The following EDC3 variants were observed in gnomAD, a reference collection of about 807,000 sequenced individuals.
EDC3 encodes the protein enhancer of mRNA decapping 3, also known as enhancer of mRNA-decapping protein 3.
A neutral mutation model predicts 41.8 loss-of-function variants in EDC3; 20 were observed. The observed-to-expected ratio is 0.48, with a 90% confidence interval of 0.34 to 0.70. The LOEUF (loss-of-function observed/expected upper bound fraction) is 0.70, where lower values mean the gene tolerates loss of function less well. Ranked by LOEUF, EDC3 falls within the 30% of genes least tolerant of loss-of-function variation. EDC3 has a pLI of 0.01. For missense variants in EDC3, 444 were observed against 636.8 expected (o/e 0.70, Z 3.26); for synonymous variants, 206 against 243.2 (o/e 0.85, Z 1.42).
intron 3 of EDC3, among the ~76,000 whole-genome samples, chr15:74,667,823 C>G (rs919841124): frequency 4.6e-5 from 7 of 152,110 alleles, no homozygotes; most frequent in Admixed American, 2.6e-4. Context: ...CAAGTAATGT[C>G]TGAAGATGCT....
chr15:74,635,037 T>C (rs1337042977), intron 6 of EDC3: 3 of 471,602 alleles, frequency 6.4e-6, no homozygotes, highest in African/African-American at 5.9e-5. Flanking sequence ...TTTGTTTTTA[T>C]CCACATCACT....
chr15:74,632,514 GAA>G lies in EDC3; in HGVS notation c.*96_*97del, dbSNP rs2062223080. Reference sequence around the variant, plus strand: ...TCACAGAAGAAACAAACCCAAAAGAGAAAAAACTTTAACAAGGTCCATGAAGC... The same window carrying G: ...TCACAGAAGAAACAAACCCAAAAGAGAAAACTTTAACAAGGTCCATGAAGC... On this transcript the variant is annotated 3_prime_UTR_variant, in exon 7 of 7. Transcript: ENST00000315127. This position sits in a 1 kb window ranked among gnomAD's most constrained non-coding sequence, Gnocchi z 4.0. 3 of 1,396,226 alleles carry G rather than the reference GAA, an allele frequency of 2.1e-6. No homozygotes were observed. The highest frequency in any genetic ancestry group is 2.9e-6 in the Non-Finnish European group (3 of 1,028,766). The allele number at this position is 1,396,226 out of a possible 1,614,324, so 86.5% of individuals were successfully genotyped here.
intron 3 of EDC3, among the ~76,000 whole-genome samples, chr15:74,666,988 T>C (rs1460701373): frequency 6.6e-6 from 1 of 152,088 alleles, no homozygotes. Context: ...TGGAGTCAGA[T>C]GAAAGGCAAA....
intron 4 of EDC3, among the ~76,000 whole-genome samples, chr15:74,655,401 T>C (rs569030605): frequency 3.3e-5 from 5 of 152,264 alleles, no homozygotes; most frequent in South Asian, 4.1e-4. Context: ...TGGGCAGTAA[T>C]AGAGAAGCCA....
In EDC3 at chr15:74,655,802, A is replaced by G; in HGVS notation, c.751T>C (p.Leu251=). ...PTRYRHDENI[L]ESEPIVYRRI... ...CGATAGACAATGGGCTCGGACTCCA[A>G]GATGTTCTCATCATGGCGGTACCGA... The change falls in exon 4 of 7, where the codon TTG becomes CTG. Residue 251 remains leucine (L), a synonymous_variant. Transcript: ENST00000315127. 2 of 1,614,154 alleles carry G rather than the reference A, an allele frequency of 1.2e-6. No individual in the cohort carries two copies. The highest frequency in any genetic ancestry group is 2.2e-5 in the East Asian group (1 of 44,894).
chr15:74,647,891 A>T (rs1053739113), intron 4 of EDC3, among the ~76,000 whole-genome samples: 1 of 152,230 alleles, frequency 6.6e-6, no homozygotes, highest in Non-Finnish European at 1.5e-5. Context: ...TCTGTCCAGA[A>T]CACCACCCAG....
intron 1 of EDC3, among the ~76,000 whole-genome samples, chr15:74,691,136 CAA>C (rs112091416): frequency 5.1e-4 from 59 of 115,468 alleles, no homozygotes; most frequent in Admixed American, 7.5e-4. Context: ...GACCCTGTCT[CAA>C]AAAAAAAAAA....
intron 3 of EDC3, among the ~76,000 whole-genome samples, chr15:74,666,417 G>A (rs2062677639): frequency 6.6e-6 from 1 of 152,098 alleles, no homozygotes; most frequent in Admixed American, 6.6e-5. Context: ...AGCAAAAGCA[G>A]AATAACCAAA....
intron 3 of EDC3, among the ~76,000 whole-genome samples, chr15:74,667,545 C>A (rs2062691127): frequency 1.4e-5 from 2 of 146,524 alleles, no homozygotes; most frequent in Admixed American, 6.9e-5. Context: ...TAGTAGTAAG[C>A]ATCTTTCAGT....
chr15:74,686,022 A>G (rs112117020), intron 1 of EDC3, among the ~76,000 whole-genome samples: 7,306 of 152,158 alleles, frequency 0.048, 301 homozygotes, highest in African/African-American at 0.11. Context: ...ATGAAACCCC[A>G]TATCTACTAA....
At chr15:74,675,217 G>T in intron 1 of EDC3, 75 bp from the exon 2 acceptor site, 2 of 1,361,842 alleles carry the variant, frequency 1.5e-6, no homozygotes, top group Non-Finnish European at 1.0e-6. Flanking sequence ...AAATATATCA[G>T]GCTCTGTACC....
chr15:74,670,010 A>ATTTTT (rs757043746), intron 3 of EDC3, among the ~76,000 whole-genome samples: 4 of 116,362 alleles, frequency 3.4e-5, no homozygotes, highest in Non-Finnish European at 3.6e-5. Context: ...CGCCCAGCTA[A>ATTTTT]TTTTTTTTTT....
intron 1 of EDC3, among the ~76,000 whole-genome samples, chr15:74,688,536 G>A (rs996579852): frequency 6.6e-6 from 1 of 152,140 alleles, no homozygotes; most frequent in Non-Finnish European, 1.5e-5. Flanking sequence ...AAGATTATTT[G>A]AGCCTGATTT....
intron 4 of EDC3, among the ~76,000 whole-genome samples, chr15:74,645,575 G>GT (rs1317932249): frequency 7.1e-6 from 1 of 140,484 alleles, no homozygotes; most frequent in African/African-American, 2.6e-5. Context: ...GGGGGGGGGG[G>GT]GGTGCCAGGC....
At chr15:74,685,603 T>C (rs1026430752) in intron 1 of EDC3, among the ~76,000 whole-genome samples, 1 of 152,172 alleles carries the variant, frequency 6.6e-6, no homozygotes, top group Non-Finnish European at 1.5e-5. Context: ...CATGTTTATA[T>C]CTAAATGTCT....
At chr15:74,679,362 A>G (rs972161866) in intron 1 of EDC3, among the ~76,000 whole-genome samples, 2 of 152,194 alleles carry the variant, frequency 1.3e-5, no homozygotes, top group African/African-American at 2.4e-5. Flanking sequence ...AATCAAATCC[A>G]GCAATAAATT....
intron 1 of EDC3, chr15:74,676,914 AAAC>A (rs969259813): frequency 2.6e-5 from 4 of 152,204 alleles, no homozygotes; most frequent in Non-Finnish European, 4.4e-5. Flanking sequence ...ATGGAAATTA[AAAC>A]AACAATAAGA....
intron 1 of EDC3, among the ~76,000 whole-genome samples, chr15:74,676,673 T>C (rs1244218698): frequency 6.6e-6 from 1 of 152,126 alleles, no homozygotes; most frequent in African/African-American, 2.4e-5. Context: ...ACTGAATTTA[T>C]CAAGAGAATA....
intron 5 of EDC3, chr15:74,637,183 G>C (rs967879092): frequency 6.6e-6 from 1 of 152,204 alleles, no homozygotes; most frequent in Non-Finnish European, 1.5e-5. Flanking sequence ...TAAACTTCAA[G>C]ATTACTAACC....
Sources: allele counts gnomAD v4.1 joint callset (sites outside exome capture counted in the v4.1 genomes callset), GRCh38; gene constraint gnomAD v4.1.1; non-coding constraint Gnocchi (gnomAD v3.1); transcripts MANE v1.5; gene names NCBI Gene and HGNC (gene_info 2026-07-23, HGNC 2026-07-21).